The following TRMT10A variants were observed in gnomAD, a reference collection of about 807,000 sequenced individuals.
TRMT10A encodes the protein tRNA methyltransferase 10A.
TRMT10A carries 37 observed loss-of-function variants against 40.4 expected under a neutral mutation model. That is an observed-to-expected ratio of 0.92 (90% CI 0.71 to 1.21). The LOEUF is 1.21. TRMT10A is among the 50% of genes most tolerant of loss of function. TRMT10A has a pLI of 0.00. For missense variants in TRMT10A, 388 were observed against 404.3 expected (o/e 0.96, Z 0.35); for synonymous variants, 103 against 134.1 (o/e 0.77, Z 1.60).
rs770032432 is a variant in TRMT10A, at chr4:99,556,146, C to T, written c.495G>A (p.Lys165=). 2 of 1,613,208 alleles carry T rather than the reference C, an allele frequency of 1.2e-6. No homozygotes were observed. Among genetic ancestry groups the T allele is most frequent in the South Asian group, 1.1e-5 (1 of 91,030 alleles). The change falls in exon 5 of 8, where the codon AAG becomes AAA. Residue 165 remains lysine (K), a splice_region_variant and synonymous_variant. Transcript: ENST00000394876. ...DENDKGWVNW[K]DIHIKPEHYS... ...GTGAGAGTTTATCTGTTTTAATTAC[C>T]TTCCAGTTGACCCATCCTTTGTCAT...
At chr4:99,561,497 A>G (rs749454779) in intron 1 of TRMT10A, among the ~76,000 whole-genome samples, 90 of 152,212 alleles carry the variant, frequency 5.9e-4, no homozygotes, top group Non-Finnish European at 1.9e-4. Context: ...CGACTGTACT[A>G]AGTGAAGTTT....
rs1186830084 is a variant in TRMT10A at position 99,548,862 on chromosome 4, CAAAA to C, written c.*222_*225del. The C allele has an allele frequency of 2.6e-6, 1 of 392,122 alleles. No individual in the cohort carries two copies. Among genetic ancestry groups the C allele is most frequent in the East Asian group, 4.2e-5 (1 of 23,776 alleles). The allele number at this position is 392,122 out of a possible 1,614,324, so 24.3% of individuals were successfully genotyped here. On this transcript the variant is annotated 3_prime_UTR_variant, in exon 8 of 8. Transcript: ENST00000394876. Reference sequence around the variant, plus strand: ...ACTACTGAGGCTTTAAAAACAAAAACAAAAAAAATCACATACACATTTAAATCTT... The same window carrying C: ...ACTACTGAGGCTTTAAAAACAAAAACAAAATCACATACACATTTAAATCTT...
intron 5 of TRMT10A, 128 bp downstream of exon 5, chr4:99,556,018 T>C: frequency 1.3e-6 from 1 of 745,358 alleles, no homozygotes. Flanking sequence ...ATCTTAGACT[T>C]AGGTTCAGAG....
chr4:99,560,154 A>G (rs1375743749), intron 1 of TRMT10A, among the ~76,000 whole-genome samples: 6 of 152,148 alleles, frequency 3.9e-5, no homozygotes, highest in African/African-American at 1.2e-4. Flanking sequence ...CAAGAAATAA[A>G]TTCACTTGAT....
In TRMT10A at chr4:99,560,680, A is replaced by T. The variant is rs188829828; in HGVS notation, c.-23-1319T>A. Among the ~76,000 whole-genome samples the T allele has an allele frequency of 7.5e-3, 1,145 of 152,296 alleles. 3 individuals are homozygous for T. Among genetic ancestry groups the T allele is most frequent in the Non-Finnish European group, 0.011 (754 of 68,000 alleles). On this transcript the variant is annotated intron_variant, in intron 1 of 7. Transcript: ENST00000394876. ...TAAAAAGGCTAGATGGAAAAAAATT[A>T]AAAAATATGTATTTTGATCCCCTGG...
At chr4:99,562,589 A>C (rs1322605619) in intron 1 of TRMT10A, among the ~76,000 whole-genome samples, 1 of 133,088 alleles carries the variant, frequency 7.5e-6, no homozygotes, top group Non-Finnish European at 1.5e-5. Flanking sequence ...GCAGTGGCGC[A>C]ATCTCGGCTC....
chr4:99,558,705 C>G (rs1237568434), intron 2 of TRMT10A, among the ~76,000 whole-genome samples: 1 of 152,122 alleles, frequency 6.6e-6, no homozygotes, highest in African/African-American at 2.4e-5. Context: ...TTTAGCCAAA[C>G]TGCTTTCACC....
intron 5 of TRMT10A, 58 bp downstream of exon 5, chr4:99,556,088 G>A: frequency 6.7e-7 from 1 of 1,493,930 alleles, no homozygotes; most frequent in Non-Finnish European, 9.3e-7. Flanking sequence ...ACAAAATGTA[G>A]ACCTTTAGAA....
chr4:99,559,007 T>C (rs922543600), intron 2 of TRMT10A, 147 bp downstream of exon 2: 1 of 813,390 alleles, frequency 1.2e-6, no homozygotes. Context: ...AATTTTCTTC[T>C]CTTGCGTTTT....
chr4:99,556,091 C>G, intron 5 of TRMT10A, 55 bp downstream of exon 5: 1 of 1,539,912 alleles, frequency 6.5e-7, no homozygotes, highest in Non-Finnish European at 8.9e-7. Context: ...AAATGTAGAC[C>G]TTTAGAAACA....
rs1724050595 is a variant in TRMT10A at position 99,553,790 on chromosome 4, G to A, written c.640C>T (p.His214Tyr). ...VIGGLVDHNH[H>Y]KGLTYKQASD... is the part of the protein sequence containing the mutation. ...AAATAAAAATTTAATAGTACCTTGT[G>A]ATGGTTGTGATCTACTAATCCTCCA... The change falls in exon 6 of 8, where the codon CAC (histidine) becomes TAC (tyrosine). Residue 214 changes from histidine to tyrosine, a missense_variant. Coordinates refer to ENST00000394876, the MANE Select transcript of TRMT10A (RefSeq NM_001134665.3). The A allele has an allele frequency of 1.2e-6, 2 of 1,604,354 alleles. No homozygotes were observed. Among genetic ancestry groups the A allele is most frequent in the Non-Finnish European group, 1.7e-6 (2 of 1,177,536 alleles).
At position 99,547,095 on chromosome 4, in the gene TRMT10A, T is replaced by C. The variant is rs1209324153; in HGVS notation, c.*1993A>G. 6.6e-6 allele frequency: 1 copy of C among 152,146 alleles called. No homozygotes were observed. The highest frequency in any genetic ancestry group is 2.4e-5 in the African/African-American group (1 of 41,416). 9.4% of individuals were successfully genotyped at this position (152,146 alleles called of 1,614,324 possible). ...GTCAAGATGAGGTCATATTGGATCA[T>C]GGTGAACTCTAATCCAGTGCTGGTC... On this transcript the variant is annotated 3_prime_UTR_variant, in exon 8 of 8. Transcript: ENST00000394876.
rs145480253 is a variant in TRMT10A at position 99,550,908 on chromosome 4, C to T, written c.728G>A (p.Arg243Gln). The T allele has an allele frequency of 2.6e-5, 42 of 1,612,998 alleles. No individual in the cohort carries two copies. Among genetic ancestry groups the T allele is most frequent in the Non-Finnish European group, 3.4e-5 (40 of 1,179,554 alleles). Residue 243 changes from arginine (R) to glutamine (Q), a missense_variant, in exon 7 of 8, where the codon CGA becomes CAA. Transcript: ENST00000394876. Reference sequence around the variant, plus strand: ...ACCATGATTAACTGCCAAAACTTTTCGACTATTCATCTTCACAAAATTTCC... The same window carrying T: ...ACCATGATTAACTGCCAAAACTTTTTGACTATTCATCTTCACAAAATTTCC... ...PLGNFVKMNS[R>Q]KVLAVNHVFE...
At chr4:99,563,720 G>C in intron 1 of TRMT10A, 193 bp downstream of exon 1, 1 of 391,562 alleles carries the variant, frequency 2.6e-6, no homozygotes, top group South Asian at 2.0e-5. Context: ...GAGCAGCTGG[G>C]TAGGCCGCGG....
chr4:99,560,421 T>A lies in TRMT10A; in HGVS notation c.-23-1060A>T, dbSNP rs938761921. Among the ~76,000 whole-genome samples the A allele has an allele frequency of 2.3e-4, 35 of 152,044 alleles. 1 individual carries two copies. Among genetic ancestry groups the A allele is most frequent in the African/African-American group, 7.0e-4 (29 of 41,480 alleles). ...CCAGATTATCTGGAGTCCCAAGAAG[T>A]AACTGATGACTTAGAAGACAATCTG... is the stretch of plus-strand genomic sequence containing the variant. On this transcript the variant is annotated intron_variant, in intron 1 of 7. Coordinates refer to ENST00000394876, the MANE Select transcript of TRMT10A (RefSeq NM_001134665.3).
intron 1 of TRMT10A, among the ~76,000 whole-genome samples, chr4:99,560,130 C>T (rs748431798): frequency 1.3e-5 from 2 of 151,902 alleles, no homozygotes. Context: ...ATTTTTAAAA[C>T]TGAAATCAAT....
intron 7 of TRMT10A, among the ~76,000 whole-genome samples, chr4:99,550,155 T>C (rs1383820305): frequency 3.3e-5 from 5 of 152,178 alleles, no homozygotes; most frequent in Non-Finnish European, 5.9e-5. Flanking sequence ...AATTGTATAT[T>C]CAAATGATGG....
Position 99,557,415 on chromosome 4 carries a change from T to G in TRMT10A, c.350A>C (p.Asp117Ala). 1 of 1,613,104 alleles carries G rather than the reference T, an allele frequency of 6.2e-7. No individual in the cohort carries two copies. The highest frequency in any genetic ancestry group is 8.5e-7 in the Non-Finnish European group (1 of 1,179,422). The change falls in exon 4 of 8, where the codon GAC (aspartate) becomes GCC (alanine). Residue 117 changes from aspartate (D) to alanine (A), a missense_variant and splice_region_variant. Physicochemically the swap from Asp to Ala is moderately radical, Grantham distance 126 (BLOSUM62 -2). Transcript: ENST00000394876. Reference sequence around the variant, plus strand: ...AATCTGCTTATGAAGTTTCTTAATGTCCTATCACAGAGTTCAATTTTTAAA... The same window carrying G: ...AATCTGCTTATGAAGTTTCTTAATGGCCTATCACAGAGTTCAATTTTTAAA... ...CSFDHLMVLK[D>A]IKKLHKQIQR...
chr4:99,556,454 T>C (rs1724164467), intron 4 of TRMT10A, among the ~76,000 whole-genome samples: 1 of 152,196 alleles, frequency 6.6e-6, no homozygotes, highest in South Asian at 2.1e-4. Flanking sequence ...ATTTACATTT[T>C]CATCCCAAGT....
Sources: gnomAD v4.1 joint callset for allele counts (sites outside exome capture counted in the v4.1 genomes callset) on GRCh38, gnomAD v4.1.1 for gene constraint, MANE v1.5 for transcripts, NCBI Gene and HGNC (gene_info 2026-07-23, HGNC 2026-07-21) for gene names.